UBASH3B: variants seen among roughly 807,000 people sequenced by gnomAD.
UBASH3B encodes ubiquitin associated and SH3 domain containing B.
UBASH3B carries 37 observed loss-of-function variants against 83.4 expected under a neutral mutation model. The observed-to-expected ratio is 0.44, with a 90% confidence interval of 0.34 to 0.58. The LOEUF (loss-of-function observed/expected upper bound fraction) is 0.58, where lower values mean the gene tolerates loss of function less well. Ranked by LOEUF, UBASH3B falls within the 20% of genes least tolerant of loss-of-function variation. The probability of loss-of-function intolerance (pLI) is 0.01; values close to 1 mark genes in which losing one functional copy is unlikely to be tolerated. For missense variants in UBASH3B, 657 were observed against 827.2 expected (o/e 0.79, Z 2.52); for synonymous variants, 304 against 318.3 (o/e 0.96, Z 0.48).
chr11:122,787,635 AG>A (rs1860978325), intron 5 of UBASH3B, among the ~76,000 whole-genome samples: 1 of 152,220 alleles, frequency 6.6e-6, no homozygotes, highest in Non-Finnish European at 1.5e-5. Flanking sequence ...TCCAGGGATC[AG>A]GGTCGGCTGG....
intron 1 of UBASH3B, among the ~76,000 whole-genome samples, chr11:122,713,408 G>A (rs1166505520): frequency 6.6e-6 from 1 of 152,164 alleles, no homozygotes; most frequent in Non-Finnish European, 1.5e-5. Context: ...TCACCCACCT[G>A]AGGAAGGTGG....
At chr11:122,773,203 G>A (rs1860677724) in intron 1 of UBASH3B, among the ~76,000 whole-genome samples, 1 of 152,232 alleles carries the variant, frequency 6.6e-6, no homozygotes, top group African/African-American at 2.4e-5. Flanking sequence ...TTGGCCCCAT[G>A]GGTGGACCAT....
At chr11:122,798,400 C>T (rs1025143367) in intron 9 of UBASH3B, among the ~76,000 whole-genome samples, 2 of 151,994 alleles carry the variant, frequency 1.3e-5, no homozygotes, top group Non-Finnish European at 2.9e-5. Flanking sequence ...CTTGTTAGCA[C>T]CAGAGGGAAG....
At chr11:122,777,368 A>G (rs1404290488) in intron 3 of UBASH3B, among the ~76,000 whole-genome samples, 158 bp downstream of exon 3, 1 of 152,148 alleles carries the variant, frequency 6.6e-6, no homozygotes, top group East Asian at 1.9e-4. Context: ...GAGGTCCACA[A>G]TGGGCCCCTC....
At chr11:122,786,794 A>C (rs978367478) in intron 5 of UBASH3B, among the ~76,000 whole-genome samples, 2 of 152,252 alleles carry the variant, frequency 1.3e-5, no homozygotes, top group African/African-American at 2.4e-5. Context: ...GGTGAGTGAG[A>C]AAGGGCATTG....
At chr11:122,689,448 A>G (rs990627260) in intron 1 of UBASH3B, among the ~76,000 whole-genome samples, 1 of 152,200 alleles carries the variant, frequency 6.6e-6, no homozygotes, top group Non-Finnish European at 1.5e-5. Context: ...GAGTGGGATT[A>G]AAAGCCTTTA....
chr11:122,706,106 C>T (rs144387781), intron 1 of UBASH3B, among the ~76,000 whole-genome samples: 6 of 127,016 alleles, frequency 4.7e-5, no homozygotes, highest in East Asian at 2.6e-4. Context: ...TCTTTTCTTT[C>T]TTTTTTTTTT....
intron 1 of UBASH3B, among the ~76,000 whole-genome samples, chr11:122,756,039 A>C (rs1381117704): frequency 4.6e-5 from 7 of 151,746 alleles, no homozygotes; most frequent in Non-Finnish European, 8.8e-5. Flanking sequence ...TCAATTAATT[A>C]GGACGGAAGG....
chr11:122,751,572 G>A (rs887557704), intron 1 of UBASH3B, among the ~76,000 whole-genome samples: 2 of 152,142 alleles, frequency 1.3e-5, no homozygotes, highest in African/African-American at 2.4e-5. Context: ...GTTTATACTC[G>A]GCCAGAACTG....
At chr11:122,765,758 C>T (rs956162618) in intron 1 of UBASH3B, among the ~76,000 whole-genome samples, 1 of 152,186 alleles carries the variant, frequency 6.6e-6, no homozygotes, top group Non-Finnish European at 1.5e-5. Context: ...TTGGAAGCCT[C>T]ATGCCTGGGA....
chr11:122,731,111 G>C (rs1360278377), intron 1 of UBASH3B, among the ~76,000 whole-genome samples: 1 of 152,214 alleles, frequency 6.6e-6, no homozygotes, highest in African/African-American at 2.4e-5. Flanking sequence ...GAGAGCACCA[G>C]ACCCAATTGT....
At chr11:122,738,818 A>T (rs1270644132) in intron 1 of UBASH3B, among the ~76,000 whole-genome samples, 1 of 150,880 alleles carries the variant, frequency 6.6e-6, no homozygotes, top group Non-Finnish European at 1.5e-5. Context: ...ACTCAGGAGG[A>T]GGAGGTTGTG....
At chr11:122,716,940 A>C (rs1383752031) in intron 1 of UBASH3B, among the ~76,000 whole-genome samples, 4 of 152,160 alleles carry the variant, frequency 2.6e-5, no homozygotes, top group Non-Finnish European at 5.9e-5. Flanking sequence ...GGATGATTAT[A>C]GCCTCATCTC....
intron 1 of UBASH3B, among the ~76,000 whole-genome samples, chr11:122,760,477 C>T (rs963459090): frequency 7.9e-5 from 12 of 152,106 alleles, no homozygotes; most frequent in African/African-American, 1.9e-4. Flanking sequence ...TCTCCTGCCT[C>T]GGCCTCCCAA....
chr11:122,693,427 A>G (rs1459348835), intron 1 of UBASH3B, among the ~76,000 whole-genome samples: 1 of 152,188 alleles, frequency 6.6e-6, no homozygotes, highest in Admixed American at 6.5e-5. Flanking sequence ...CCATCAAGGG[A>G]AGATCACACA....
intron 1 of UBASH3B, among the ~76,000 whole-genome samples, chr11:122,707,067 G>A (rs1864129308): frequency 6.6e-6 from 1 of 152,132 alleles, no homozygotes; most frequent in Non-Finnish European, 1.5e-5. Context: ...TTACTTTTAT[G>A]AACTGATGGT....
intron 1 of UBASH3B, among the ~76,000 whole-genome samples, chr11:122,694,071 G>C (rs563283825): frequency 6.6e-6 from 1 of 152,276 alleles, no homozygotes; most frequent in East Asian, 1.9e-4. Context: ...CCTGATTTGG[G>C]TGATATGTAG....
At chr11:122,765,115 C>A (rs1293080672) in intron 1 of UBASH3B, among the ~76,000 whole-genome samples, 1 of 150,932 alleles carries the variant, frequency 6.6e-6, no homozygotes, top group East Asian at 1.9e-4. Flanking sequence ...TAGACTTGCA[C>A]CCACAGAGAC....
chr11:122,672,989 G>C (rs1863619349), intron 1 of UBASH3B, among the ~76,000 whole-genome samples: 1 of 152,226 alleles, frequency 6.6e-6, no homozygotes, highest in Non-Finnish European at 1.5e-5. Context: ...CCAGGGCTGA[G>C]GGGATGTGCA....
Sources: gnomAD v4.1 joint callset for allele counts (sites outside exome capture counted in the v4.1 genomes callset) on GRCh38, gnomAD v4.1.1 for gene constraint, MANE v1.5 for transcripts, NCBI Gene and HGNC (gene_info 2026-07-23, HGNC 2026-07-21) for gene names.